Variants in RASGRP3 observed in about 807,000 individuals in gnomAD.
RASGRP3 encodes the protein RAS guanyl releasing protein 3, also known as ras guanyl-releasing protein 3.
In RASGRP3, 54 loss-of-function variants were observed where a neutral mutation model predicts 82.7. The observed-to-expected ratio is 0.65, with a 90% CI of 0.52 to 0.82. The LOEUF (loss-of-function observed/expected upper bound fraction) is 0.82, where lower values mean the gene tolerates loss of function less well. RASGRP3 is among the 40% of genes least tolerant of loss of function. The pLI, the probability that RASGRP3 is intolerant of heterozygous loss-of-function variation, is 0.00. For missense variants in RASGRP3, 861 were observed against 828.9 expected, an observed-to-expected ratio of 1.04 and a Z score of -0.48; for synonymous variants, 309 against 300.5, an observed-to-expected ratio of 1.03 and a Z score of -0.29.
chr2:33,507,637 T>A (rs1670515500), intron 1 of RASGRP3, among the ~76,000 whole-genome samples: 1 of 152,218 alleles, frequency 6.6e-6, no homozygotes, highest in Non-Finnish European at 1.5e-5. Flanking sequence ...GCGATTCTCC[T>A]GCCTCAGCCT....
chr2:33,480,083 C>G (rs1490696284), intron 1 of RASGRP3, among the ~76,000 whole-genome samples: 1 of 147,816 alleles, frequency 6.8e-6, no homozygotes. Flanking sequence ...CGCTCTGTCG[C>G]CCAGGCTGGA....
At chr2:33,514,922 G>C (rs1030889243) in intron 2 of RASGRP3, 88 bp from the exon 3 acceptor site, 12 of 567,158 alleles carry the variant, frequency 2.1e-5, no homozygotes, top group African/African-American at 1.5e-4. Flanking sequence ...GTCTATGGAA[G>C]TCATTATCTT....
At chr2:33,547,052 GGAAAAAAAA>G (rs1240142665) in intron 13 of RASGRP3, among the ~76,000 whole-genome samples, 1 of 75,486 alleles carries the variant, frequency 1.3e-5, no homozygotes, top group Non-Finnish European at 2.6e-5. Context: ...TCTGTCTCAG[GGAAAAAAAA>G]AAAAAAAAAA....
intron 1 of RASGRP3, among the ~76,000 whole-genome samples, chr2:33,500,688 C>A (rs1047901923): frequency 1.3e-5 from 2 of 152,216 alleles, no homozygotes; most frequent in Non-Finnish European, 2.9e-5. Flanking sequence ...GTAATCCCAG[C>A]ACTTTGGGAG....
At chr2:33,554,852 T>C (rs1247356775) in intron 14 of RASGRP3, among the ~76,000 whole-genome samples, 1 of 152,154 alleles carries the variant, frequency 6.6e-6, no homozygotes. Flanking sequence ...CTGAACCCCC[T>C]GGGCAAACGC....
At chr2:33,558,557 C>A in intron 16 of RASGRP3, 115 bp from the exon 17 acceptor site, 3 of 1,130,366 alleles carry the variant, frequency 2.7e-6, no homozygotes, top group Non-Finnish European at 3.7e-6. Context: ...GAGTTCTGTC[C>A]CTTGTCGGTT....
At chr2:33,491,648 A>T (rs898670144) in intron 1 of RASGRP3, among the ~76,000 whole-genome samples, 6 of 152,258 alleles carry the variant, frequency 3.9e-5, no homozygotes, top group Non-Finnish European at 8.8e-5. Flanking sequence ...TTGCGTTTGC[A>T]TCTGAACTCT....
chr2:33,470,524 C>T (rs989323205), intron 2 of RASGRP3, among the ~76,000 whole-genome samples: 13 of 151,898 alleles, frequency 8.6e-5, no homozygotes, highest in African/African-American at 2.9e-4. Context: ...GGACTACAGG[C>T]GCCCGCCACC....
Position 33,524,537 on chromosome 2 carries a change from GA to G in RASGRP3, c.798del (p.Val267LeufsTer8). ...LKETHSHLSS[E>X]VTKNWNEMTE... ...AGAGACCCATTCTCATCTTTCTTCA[GA>G]AGTTACAAAGGTATAGTAGACTTGA... is the stretch of plus-strand genomic sequence containing the variant. On this transcript the variant is annotated frameshift_variant, in exon 9 of 18. Transcript: ENST00000403687. LOFTEE classifies it high-confidence loss of function. 6.3e-7 allele frequency: 1 copy of G among 1,588,472 alleles called. No homozygotes were observed. Among genetic ancestry groups the G allele is most frequent in the Non-Finnish European group, 8.6e-7 (1 of 1,164,684 alleles).
At chr2:33,504,470 T>C (rs1356764877) in intron 1 of RASGRP3, among the ~76,000 whole-genome samples, 2 of 152,238 alleles carry the variant, frequency 1.3e-5, no homozygotes, top group African/African-American at 2.4e-5. Flanking sequence ...TAATGCTAAA[T>C]AGACAATAAA....
At chr2:33,516,135 C>T (rs1391626475) in intron 3 of RASGRP3, among the ~76,000 whole-genome samples, 3 of 152,288 alleles carry the variant, frequency 2.0e-5, no homozygotes, top group East Asian at 1.9e-4. Flanking sequence ...GTCGGCCAGG[C>T]GCAGTGGCTC....
At chr2:33,539,032 C>T (rs1230632188) in intron 11 of RASGRP3, 62 bp from the exon 12 acceptor site, 53 of 1,219,664 alleles carry the variant, frequency 4.3e-5, no homozygotes, top group Middle Eastern at 2.4e-4. Context: ...GAACCAGACC[C>T]TGTCTCAAAA....
chr2:33,439,826 C>T (rs1297846658), intron 1 of RASGRP3, among the ~76,000 whole-genome samples: 3 of 151,918 alleles, frequency 2.0e-5, no homozygotes, highest in Admixed American at 6.6e-5. Context: ...ACACCTGGGG[C>T]CGATGAGAAG....
At chr2:33,502,856 T>G (rs539877828) in intron 1 of RASGRP3, among the ~76,000 whole-genome samples, 64 of 152,238 alleles carry the variant, frequency 4.2e-4, no homozygotes, top group African/African-American at 1.4e-3. Flanking sequence ...AAAGCTAGCT[T>G]CTTCTCCCTC....
At chr2:33,445,255 T>G (rs1013813938) in intron 1 of RASGRP3, among the ~76,000 whole-genome samples, 2 of 152,244 alleles carry the variant, frequency 1.3e-5, no homozygotes, top group Non-Finnish European at 2.9e-5. Flanking sequence ...TAGGTTCTTA[T>G]GGCCCCACCA....
Position 33,563,043 on chromosome 2 carries a change from A to T in RASGRP3, c.*306A>T. On this transcript the variant is annotated 3_prime_UTR_variant, in exon 18 of 18. Coordinates refer to ENST00000403687, the MANE Select transcript of RASGRP3 (RefSeq NM_001139488.2). ...GACCATTTATATACGGGTGAAATGA[A>T]AGCTTTTTTGCATGTACTTGATACT... 2.7e-6 allele frequency: 1 copy of T among 369,796 alleles called. No individual in the cohort carries two copies. Among genetic ancestry groups the T allele is most frequent in the Non-Finnish European group, 4.8e-6 (1 of 207,108 alleles). 22.9% of individuals were successfully genotyped at this position (369,796 alleles called of 1,614,324 possible).
At chr2:33,520,941 C>T (rs1386285003) in intron 6 of RASGRP3, among the ~76,000 whole-genome samples, 1 of 152,180 alleles carries the variant, frequency 6.6e-6, no homozygotes, top group Non-Finnish European at 1.5e-5. Context: ...CACAAGATAG[C>T]ACATGAAAGG....
intron 2 of RASGRP3, among the ~76,000 whole-genome samples, chr2:33,466,735 A>T (rs150921601): frequency 6.6e-5 from 10 of 152,298 alleles, no homozygotes; most frequent in Non-Finnish European, 1.2e-4. Flanking sequence ...GGGGAAACAG[A>T]CATAACGCTA....
At chr2:33,488,050 A>G (rs529708047) in intron 1 of RASGRP3, among the ~76,000 whole-genome samples, 1 of 152,348 alleles carries the variant, frequency 6.6e-6, no homozygotes, top group Non-Finnish European at 1.5e-5. Context: ...TATTTTCTCA[A>G]TGGGAAAAGC....
Sources: gnomAD v4.1 joint callset for allele counts (sites outside exome capture counted in the v4.1 genomes callset) on GRCh38, gnomAD v4.1.1 for gene constraint, MANE v1.5 for transcripts, NCBI Gene and HGNC (gene_info 2026-07-23, HGNC 2026-07-21) for gene names.